The following ATP9B variants were observed in gnomAD, a reference collection of about 807,000 sequenced individuals.
The protein encoded by ATP9B is ATPase phospholipid transporting 9B.
Under a neutral mutation model 146.1 loss-of-function variants are expected in ATP9B, and 110 were observed. The ratio of observed to expected loss-of-function variants is 0.75; its 90% CI spans 0.65 to 0.88. ATP9B has a LOEUF of 0.88. Among genes scored for constraint, ATP9B ranks in the 40% least tolerant of loss-of-function variants. ATP9B has a pLI of 0.00. For synonymous variants in ATP9B, 604 were observed against 569.7 expected (o/e 1.06, Z -0.86); for missense variants, 1,499 against 1,496.4 (o/e 1.00, Z -0.03).
chr18:79,173,988 A>G (rs966375553), intron 7 of ATP9B, among the ~76,000 whole-genome samples: 15 of 152,200 alleles, frequency 9.9e-5, no homozygotes, highest in Admixed American at 8.5e-4. Flanking sequence ...GGCAAGATGA[A>G]AACAGGAAAT....
At chr18:79,356,881 T>G in intron 25 of ATP9B, among the ~76,000 whole-genome samples, 1 of 46,162 alleles carries the variant, frequency 2.2e-5, no homozygotes, top group Admixed American at 2.5e-4. Context: ...GTGTGAGGGA[T>G]GCTCTGGGTC....
chr18:79,225,567 T>A (rs1358717026), intron 11 of ATP9B, among the ~76,000 whole-genome samples: 1 of 152,184 alleles, frequency 6.6e-6, no homozygotes, highest in Non-Finnish European at 1.5e-5. Context: ...GCCACTGTCT[T>A]CAGCGTCTGA....
chr18:79,249,154 A>G, intron 11 of ATP9B, among the ~76,000 whole-genome samples: 1 of 152,158 alleles, frequency 6.6e-6, no homozygotes, highest in Admixed American at 6.5e-5. Flanking sequence ...GTTGGTATAA[A>G]CCATTATTTT....
At chr18:79,330,526 C>G (rs59132561) in intron 17 of ATP9B, among the ~76,000 whole-genome samples, 42,723 of 151,680 alleles carry the variant, frequency 0.28, 6,326 homozygotes, top group East Asian at 0.52. Context: ...GATTCTCCTG[C>G]CTCAGCCTCC....
chr18:79,235,735 C>A lies in ATP9B; in HGVS notation c.1108-17646C>A, dbSNP rs547667702. On this transcript the variant is annotated intron_variant, in intron 11 of 29. Transcript: ENST00000426216. ...ATCTAGTGAAGTAGAATTCTCCCAGCTCCCGGGAGTGTCCCTTCCTCACCA... is the reference window on the plus strand; with the variant it reads ...ATCTAGTGAAGTAGAATTCTCCCAGATCCCGGGAGTGTCCCTTCCTCACCA... Among the ~76,000 whole-genome samples the A allele has an allele frequency of 2.6e-4, 40 of 151,964 alleles. 1 individual carries two copies. Among genetic ancestry groups the A allele is most frequent in the African/African-American group, 9.7e-4 (40 of 41,444 alleles).
intron 9 of ATP9B, among the ~76,000 whole-genome samples, chr18:79,201,412 A>G (rs2095486685): frequency 6.6e-6 from 1 of 152,208 alleles, no homozygotes; most frequent in Admixed American, 6.5e-5. Context: ...TATACATAAG[A>G]CAAAATATCT....
intron 20 of ATP9B, among the ~76,000 whole-genome samples, chr18:79,343,273 T>A (rs1043621981): frequency 5.3e-5 from 8 of 152,202 alleles, no homozygotes; most frequent in African/African-American, 1.9e-4. Flanking sequence ...ACAAATTAAA[T>A]TTTTCACAAT....
Position 79,257,685 on chromosome 18 carries a change from A to G in ATP9B, c.1268+4144A>G, listed in dbSNP as rs868695934. Among the ~76,000 whole-genome samples, 6 of 152,290 alleles carry G rather than the reference A, an allele frequency of 3.9e-5. No individual in the cohort carries two copies. The South Asian group carries it at 6.2e-4, about 16-fold the overall frequency. On this transcript the variant is annotated intron_variant, in intron 12 of 29. Coordinates refer to ENST00000426216, the MANE Select transcript of ATP9B (RefSeq NM_198531.5). ...GACGGCCTGTGGCTGGCACAAGTGC[A>G]CTCCAGCTCAGCCTCCCCAGCCTCC...
Position 79,111,361 on chromosome 18 carries a change from T to C in ATP9B, c.444+856T>C, listed in dbSNP as rs1267874370. ...GTATATTTAATTTAAATAATCATGC[T>C]GACATTGTATTTGGCATTGATTTTA... On this transcript the variant is annotated intron_variant, in intron 3 of 29. Coordinates refer to ENST00000426216, the MANE Select transcript of ATP9B (RefSeq NM_198531.5). Among the ~76,000 whole-genome samples the C allele has an allele frequency of 2.0e-5, 3 of 152,188 alleles. No homozygotes were observed. In the East Asian group the frequency reaches 5.8e-4, roughly 29 times the overall value.
intron 24 of ATP9B, 51 bp downstream of exon 24, chr18:79,347,976 C>T (rs761797244): frequency 1.9e-6 from 3 of 1,604,772 alleles, no homozygotes; most frequent in Admixed American, 3.4e-5. Context: ...CCAGGAAGGG[C>T]AGGGTCCGGG....
At chr18:79,170,035 C>G (rs1044207277) in intron 7 of ATP9B, among the ~76,000 whole-genome samples, 4 of 152,176 alleles carry the variant, frequency 2.6e-5, no homozygotes, top group Non-Finnish European at 5.9e-5. Context: ...TTAATGCTTC[C>G]GTTTTGCTGC....
rs115723299 is a variant in ATP9B at position 79,167,149 on chromosome 18, C to T, written c.779-9664C>T. 4.8e-3 allele frequency among the ~76,000 whole-genome samples: 725 copies of T among 152,326 alleles called. 5 individuals carry two copies. Among genetic ancestry groups the T allele is most frequent in the South Asian group, 0.024 (117 of 4,830 alleles). On this transcript the variant is annotated intron_variant, in intron 7 of 29. Transcript: ENST00000426216. ...TAAGTCTGGGCTCTCTGAAGAGCCA[C>T]AGATCTTCTCTCCTTCTCATTGCTT...
intron 8 of ATP9B, among the ~76,000 whole-genome samples, chr18:79,184,978 G>T (rs1463129548): frequency 1.7e-5 from 2 of 115,810 alleles, no homozygotes; most frequent in Non-Finnish European, 3.3e-5. Flanking sequence ...GAAAAAATTT[G>T]TCTGAAAAAA....
rs1056611337 is a variant in ATP9B at position 79,154,400 on chromosome 18, A to G, written c.727-104A>G. On this transcript the variant is annotated intron_variant, in intron 6 of 29. Transcript: ENST00000426216. ...TAGTTATTTCAGCACAATTTTAATT[A>G]TATTATCTTAGTTGTTTTCATAGGT... 6 of 758,520 alleles carry G rather than the reference A, an allele frequency of 7.9e-6. No homozygotes were observed. In the African/African-American group the frequency reaches 1.1e-4, roughly 14 times the overall value. The allele number at this position is 758,520 out of a possible 1,614,324, so 47.0% of individuals were successfully genotyped here. A position where few individuals can be genotyped will look rare whatever the true frequency, so the allele number is the denominator to read the frequency against.
chr18:79,340,063 A>C (rs927223630), intron 19 of ATP9B, among the ~76,000 whole-genome samples: 1 of 152,158 alleles, frequency 6.6e-6, no homozygotes, highest in East Asian at 1.9e-4. Flanking sequence ...ATCGAGCCCC[A>C]GAGTTCATGG....
chr18:79,082,783 G>A (rs2073405450), intron 1 of ATP9B, among the ~76,000 whole-genome samples: 1 of 152,310 alleles, frequency 6.6e-6, no homozygotes, highest in South Asian at 2.1e-4. Context: ...TGGAAGCTTC[G>A]TCCCAAAGGG....
At chr18:79,338,780 T>C (rs1007847331) in intron 19 of ATP9B, among the ~76,000 whole-genome samples, 1 of 152,224 alleles carries the variant, frequency 6.6e-6, no homozygotes, top group Non-Finnish European at 1.5e-5. Flanking sequence ...GCAAATTGGT[T>C]AAGATAATTT....
chr18:79,184,081 A>G (rs1332261107), intron 8 of ATP9B, among the ~76,000 whole-genome samples: 1 of 152,122 alleles, frequency 6.6e-6, no homozygotes, highest in African/African-American at 2.4e-5. Flanking sequence ...TTTATTGTTT[A>G]TATGTTTTTC....
chr18:79,327,260 G>A lies in ATP9B; in HGVS notation c.1774-1881G>A, dbSNP rs139123839. ...AACTGAAGGCAAGGACGTGCTCATC[G>A]GAAGAGGTGGGTGAGAATGAGGTTG... is the stretch of plus-strand genomic sequence containing the variant. On this transcript the variant is annotated intron_variant, in intron 15 of 29. Coordinates refer to ENST00000426216, the MANE Select transcript of ATP9B (RefSeq NM_198531.5). 2.5e-3 allele frequency among the ~76,000 whole-genome samples: 384 copies of A among 152,336 alleles called. 3 individuals are homozygous for A. Among genetic ancestry groups the A allele is most frequent in the Non-Finnish European group, 4.5e-3 (309 of 68,026 alleles).
Sources: gnomAD v4.1 joint callset for allele counts (sites outside exome capture counted in the v4.1 genomes callset) on GRCh38, gnomAD v4.1.1 for gene constraint, MANE v1.5 for transcripts, NCBI Gene and HGNC (gene_info 2026-07-23, HGNC 2026-07-21) for gene names.